SLC25A21: variants seen among roughly 807,000 people sequenced by gnomAD.
The protein encoded by SLC25A21 is mitochondrial 2-oxodicarboxylate carrier.
A neutral mutation model predicts 43.8 loss-of-function variants in SLC25A21; 47 were observed. The observed-to-expected ratio is 1.07, with a 90% CI of 0.85 to 1.37. SLC25A21 has a LOEUF of 1.37. Ranked by LOEUF, SLC25A21 falls within the 40% of genes most tolerant of loss-of-function variation. SLC25A21 has a pLI of 0.00. For synonymous variants in SLC25A21, 131 were observed against 121.3 expected, an observed-to-expected ratio of 1.08 and a Z score of -0.52; for missense variants, 352 against 350.2, an observed-to-expected ratio of 1.00 and a Z score of -0.04.
chr14:36,771,337 AT>A (rs1886611137), intron 3 of SLC25A21, among the ~76,000 whole-genome samples: 1 of 151,660 alleles, frequency 6.6e-6, no homozygotes. Flanking sequence ...TGCAATTGTC[AT>A]TTTTGGATGA....
chr14:37,145,102 C>T (rs1963639763), intron 1 of SLC25A21, among the ~76,000 whole-genome samples: 1 of 152,126 alleles, frequency 6.6e-6, no homozygotes, highest in Non-Finnish European at 1.5e-5. Context: ...CTTCCAATAA[C>T]CAATGAGGTA....
At chr14:36,791,949 T>A (rs958598377) in intron 3 of SLC25A21, among the ~76,000 whole-genome samples, 10 of 152,048 alleles carry the variant, frequency 6.6e-5, no homozygotes, top group Non-Finnish European at 1.2e-4. Context: ...ATGGGTTTCT[T>A]TTTTTTTCTA....
intron 9 of SLC25A21, among the ~76,000 whole-genome samples, chr14:36,681,234 A>G (rs1049659587): frequency 6.6e-6 from 1 of 152,234 alleles, no homozygotes; most frequent in African/African-American, 2.4e-5. Context: ...GAATATTTAA[A>G]AAATCTGCAT....
chr14:36,680,833 G>A (rs760984231), intron 9 of SLC25A21, 114 bp from the exon 10 acceptor site: 24 of 802,762 alleles, frequency 3.0e-5, no homozygotes, highest in African/African-American at 2.1e-4. Flanking sequence ...GAGGCTGTTC[G>A]GAATCAACAG....
intron 1 of SLC25A21, among the ~76,000 whole-genome samples, chr14:37,016,894 C>A (rs1960869523): frequency 6.6e-6 from 1 of 152,066 alleles, no homozygotes; most frequent in Non-Finnish European, 1.5e-5. Context: ...TTTTCTTCTG[C>A]AGCTTCCTCA....
Position 36,977,961 on chromosome 14 carries a change from A to ATTT in SLC25A21, c.71-102958_71-102957insAAA, listed in dbSNP as rs1959920938. 4.0e-5 allele frequency among the ~76,000 whole-genome samples: 6 copies of ATTT among 151,750 alleles called. No individual in the cohort carries two copies. The South Asian group carries it at 1.3e-3, about 32-fold the overall frequency. On this transcript the variant is annotated intron_variant, in intron 1 of 9. Transcript: ENST00000331299. ...AAAGCTTTTTTTTTTTTTTAAAAAA[A>ATTT]AAAAAAGACAATTAGTTTGAACTTT... is the stretch of plus-strand genomic sequence containing the variant.
intron 6 of SLC25A21, 124 bp from the exon 7 acceptor site, chr14:36,711,606 T>A (rs17105091): frequency 0.082 from 89,839 of 1,089,260 alleles, 7,807 homozygotes; most frequent in East Asian, 0.47. Flanking sequence ...ATATGAATAA[T>A]CATGCCTAGA....
intron 1 of SLC25A21, among the ~76,000 whole-genome samples, chr14:37,092,300 T>G (rs988881626): frequency 6.6e-6 from 1 of 152,190 alleles, no homozygotes; most frequent in Admixed American, 6.5e-5. Context: ...ATGGCACCTA[T>G]AGCTACTGCA....
chr14:37,043,765 C>T (rs1961524377), intron 1 of SLC25A21, among the ~76,000 whole-genome samples: 1 of 151,968 alleles, frequency 6.6e-6, no homozygotes, highest in South Asian at 2.1e-4. Context: ...GAGACAGGGT[C>T]TTGCGCTGTC....
intron 1 of SLC25A21, among the ~76,000 whole-genome samples, chr14:37,115,239 G>T (rs1278521445): frequency 2.0e-5 from 3 of 152,300 alleles, no homozygotes; most frequent in East Asian, 1.9e-4. Flanking sequence ...GCCCAGGAGG[G>T]CAGCACCGCC....
rs553428952 is a variant in SLC25A21 at position 36,816,321 on chromosome 14, T to A, written c.120-2320A>T. 3.9e-5 allele frequency among the ~76,000 whole-genome samples: 6 copies of A among 151,998 alleles called. No individual in the cohort carries two copies. In the South Asian group the frequency reaches 1.3e-3, roughly 32 times the overall value. On this transcript the variant is annotated intron_variant, in intron 2 of 9. Coordinates refer to ENST00000331299, the MANE Select transcript of SLC25A21 (RefSeq NM_030631.4). ...AGTATCTATTGACCAACTGGATGGATTAGAAAGGGAGTATGGCAGGGAGAA... is the reference window on the plus strand; with the variant it reads ...AGTATCTATTGACCAACTGGATGGAATAGAAAGGGAGTATGGCAGGGAGAA...
intron 1 of SLC25A21, among the ~76,000 whole-genome samples, chr14:36,964,264 T>C (rs1959563733): frequency 6.6e-6 from 1 of 152,198 alleles, no homozygotes; most frequent in South Asian, 2.1e-4. Flanking sequence ...AGTGAGATAA[T>C]AATTTTTCTC....
intron 1 of SLC25A21, among the ~76,000 whole-genome samples, chr14:36,989,130 G>C (rs1247182587): frequency 1.4e-4 from 22 of 152,128 alleles, no homozygotes. Context: ...CTTGGATAAA[G>C]GGCCAAAAAA....
chr14:36,976,757 T>C (rs1959882711), intron 1 of SLC25A21, among the ~76,000 whole-genome samples: 1 of 152,194 alleles, frequency 6.6e-6, no homozygotes, highest in Non-Finnish European at 1.5e-5. Context: ...GAACCAAGTG[T>C]GTTTTAGGAT....
intron 1 of SLC25A21, among the ~76,000 whole-genome samples, chr14:36,999,732 G>GAA (rs1960447037): frequency 6.6e-6 from 1 of 152,112 alleles, no homozygotes; most frequent in Non-Finnish European, 1.5e-5. Context: ...GAGCTGAAGA[G>GAA]AAAGCAAGCA....
chr14:37,163,214 C>G (rs1043992885), intron 1 of SLC25A21, among the ~76,000 whole-genome samples: 1 of 151,650 alleles, frequency 6.6e-6, no homozygotes, highest in Non-Finnish European at 1.5e-5. Flanking sequence ...GTGGGTGCAG[C>G]GCACCAGCAT....
At chr14:36,712,808 T>C (rs1415839845) in intron 6 of SLC25A21, among the ~76,000 whole-genome samples, 1 of 152,230 alleles carries the variant, frequency 6.6e-6, no homozygotes, top group Admixed American at 6.5e-5. Flanking sequence ...TTTCTGAAGG[T>C]TAAAGTTTAC....
chr14:36,755,562 C>T (rs572770400), intron 3 of SLC25A21, among the ~76,000 whole-genome samples: 5 of 152,260 alleles, frequency 3.3e-5, no homozygotes, highest in East Asian at 1.9e-4. Flanking sequence ...CACTTGGATG[C>T]TATGGTAATA....
At chr14:36,998,388 G>T (rs985744705) in intron 1 of SLC25A21, among the ~76,000 whole-genome samples, 1 of 152,012 alleles carries the variant, frequency 6.6e-6, no homozygotes, top group South Asian at 2.1e-4. Flanking sequence ...AATACGGACA[G>T]AGATATATAA....
Sources: allele counts gnomAD v4.1 joint callset (sites outside exome capture counted in the v4.1 genomes callset), GRCh38; gene constraint gnomAD v4.1.1; transcripts MANE v1.5; gene names NCBI Gene and HGNC (gene_info 2026-07-23, HGNC 2026-07-21).